TMED8: variants seen among roughly 807,000 people sequenced by gnomAD.
TMED8 encodes transmembrane p24 trafficking protein family member 8.
TMED8 carries 15 observed loss-of-function variants against 32.7 expected under a neutral mutation model. That is an observed-to-expected ratio of 0.46 (90% CI 0.31 to 0.71). TMED8 has a LOEUF of 0.71. Ranked by LOEUF, TMED8 falls within the 30% of genes least tolerant of loss-of-function variation. TMED8 has a pLI of 0.06. For synonymous variants in TMED8, 147 were observed against 161.4 expected (o/e 0.91, Z 0.68); for missense variants, 390 against 423.9 (o/e 0.92, Z 0.70).
At chr14:77,372,714 T>G (rs72681284) in intron 1 of TMED8, among the ~76,000 whole-genome samples, 2,705 of 151,478 alleles carry the variant, frequency 0.018, 46 homozygotes, top group Middle Eastern at 0.078. Flanking sequence ...ATCTGGACAC[T>G]AAAAACACAA....
intron 1 of TMED8, among the ~76,000 whole-genome samples, chr14:77,353,993 T>C (rs1026886883): frequency 6.6e-6 from 1 of 152,208 alleles, no homozygotes; most frequent in Non-Finnish European, 1.5e-5. Flanking sequence ...GACAATATCC[T>C]TTCCCATATT....
In TMED8 at chr14:77,341,777, G is replaced by A. The variant is rs771505511; in HGVS notation, c.972C>T (p.Thr324=). The change falls in exon 6 of 6, where the codon ACC becomes ACT. Residue 324 remains threonine (T), a synonymous_variant. Transcript: ENST00000216468. ...NKTLYFHIYY[T]S ...CCCCTGTCCCAGCAGTCCTTCAGCT[G>A]GTGTAGTAGATGTGGAAGTAGAGAG... 3.1e-6 allele frequency: 5 copies of A among 1,614,130 alleles called. No individual in the cohort carries two copies. The South Asian group carries it at 5.5e-5, about 18-fold the overall frequency.
rs111715816 is a variant in TMED8 at position 77,337,393 on chromosome 14, AT to A, written c.*4377del. 1.6e-3 allele frequency: 235 copies of A among 145,834 alleles called. 2 individuals carry two copies. The highest frequency in any genetic ancestry group is 3.8e-3 in the African/African-American group (152 of 39,966). The allele number at this position is 145,834 out of a possible 1,614,324, so 9.0% of individuals were successfully genotyped here. ...CTTGAAAGATGGAGACCAAGAAACA[AT>A]TTTTTTTTTTTTGAGACGGAATCTT... On this transcript the variant is annotated 3_prime_UTR_variant, in exon 6 of 6. Coordinates refer to ENST00000216468, the MANE Select transcript of TMED8 (RefSeq NM_213601.3).
intron 5 of TMED8, among the ~76,000 whole-genome samples, chr14:77,342,646 T>C (rs946226945): frequency 1.3e-5 from 2 of 152,222 alleles, no homozygotes; most frequent in South Asian, 2.1e-4. Flanking sequence ...CTTTGTGTAG[T>C]GTGTAGACAC....
chr14:77,343,522 G>A (rs1892958673), intron 4 of TMED8, 39 bp from the exon 5 acceptor site: 1 of 1,604,556 alleles, frequency 6.2e-7, no homozygotes, highest in Non-Finnish European at 8.5e-7. Flanking sequence ...AAACCATGAG[G>A]AAACATGAGT....
At chr14:77,368,467 A>ATTATTTAT (rs369795650) in intron 1 of TMED8, among the ~76,000 whole-genome samples, 11 of 151,622 alleles carry the variant, frequency 7.3e-5, no homozygotes, top group East Asian at 3.9e-4. Context: ...TGTCCTTTTT[A>ATTATTTAT]TTATTTATTT....
At chr14:77,369,832 C>G (rs1309095299) in intron 1 of TMED8, among the ~76,000 whole-genome samples, 1 of 152,154 alleles carries the variant, frequency 6.6e-6, no homozygotes, top group Non-Finnish European at 1.5e-5. Flanking sequence ...CCTATTTACC[C>G]ATATCAATCT....
chr14:77,351,086 T>C (rs1239338402), intron 2 of TMED8, among the ~76,000 whole-genome samples: 1 of 152,182 alleles, frequency 6.6e-6, no homozygotes, highest in Admixed American at 6.5e-5. Flanking sequence ...TAGAAAGTTG[T>C]GCCGTTTCCA....
intron 5 of TMED8, among the ~76,000 whole-genome samples, chr14:77,342,551 A>T (rs946972987): frequency 6.6e-6 from 1 of 152,210 alleles, no homozygotes; most frequent in African/African-American, 2.4e-5. Flanking sequence ...CTTTAAGATT[A>T]TATAAGAAAA....
At chr14:77,355,000 G>A (rs1893260099) in intron 1 of TMED8, among the ~76,000 whole-genome samples, 1 of 151,730 alleles carries the variant, frequency 6.6e-6, no homozygotes, top group Non-Finnish European at 1.5e-5. Context: ...GCCCAAGCTA[G>A]TCTTGATCTC....
At chr14:77,349,988 C>A (rs1489216537) in intron 2 of TMED8, among the ~76,000 whole-genome samples, 1 of 152,188 alleles carries the variant, frequency 6.6e-6, no homozygotes, top group Non-Finnish European at 1.5e-5. Context: ...ATCCTCCTGG[C>A]AGAGTGAATT....
At chr14:77,344,937 C>T (rs920827153) in intron 3 of TMED8, among the ~76,000 whole-genome samples, 15 of 152,220 alleles carry the variant, frequency 9.9e-5, no homozygotes, top group African/African-American at 3.6e-4. Context: ...ATATTAGCTA[C>T]ATAGCCTTAG....
chr14:77,353,367 AT>A (rs1217644725), intron 1 of TMED8, among the ~76,000 whole-genome samples: 1 of 152,006 alleles, frequency 6.6e-6, no homozygotes. Context: ...GACAGGCAAA[AT>A]TTTTAATCCA....
chr14:77,367,253 A>ACAAAC (rs1340483677), intron 1 of TMED8, among the ~76,000 whole-genome samples: 16 of 151,214 alleles, frequency 1.1e-4, no homozygotes, highest in South Asian at 1.0e-3. Context: ...AAAAAAAAAA[A>ACAAAC]AAAAAAAAAA....
rs1167584417 is a variant in TMED8 at position 77,372,906 on chromosome 14, T to TTATA, written c.118+4026_118+4029dup. Reference sequence around the variant, plus strand: ...ATGCACATTGAAATAGCCACAGATATTATATATATATATATATATATATAT... The same window carrying TTATA: ...ATGCACATTGAAATAGCCACAGATATTATATATATATATATATATATATATATAT... On this transcript the variant is annotated intron_variant, in intron 1 of 5. Transcript: ENST00000216468. Among the ~76,000 whole-genome samples the TTATA allele has an allele frequency of 8.8e-3, 309 of 35,176 alleles. 1 individual carries two copies. Among genetic ancestry groups the TTATA allele is most frequent in the South Asian group, 0.02 (12 of 614 alleles). 23.1% of individuals were successfully genotyped at this position (35,176 alleles called of 152,430 possible).
chr14:77,346,435 G>C lies in TMED8; in HGVS notation c.241C>G (p.Leu81Val), dbSNP rs1893036908. 1.2e-6 allele frequency: 2 copies of C among 1,614,202 alleles called. No homozygotes were observed. Residue 81 changes from leucine to valine, a missense_variant, in exon 3 of 6, where the codon CTG (leucine) becomes GTG (valine). By Grantham distance (32) the Leu-to-Val change is conservative. Transcript: ENST00000216468. ...TCCAAAGGACCAGTTGCTTTCCGCA[G>C]ATCTTCCGTGGCATCCTTACTCACT... Reference protein sequence around the residue: ...SPVSKDATEDLRKATGPLEAQ... With the variant: ...SPVSKDATEDVRKATGPLEAQ...
chr14:77,335,668 A>G lies in TMED8; in HGVS notation c.*6103T>C, dbSNP rs1892744452. Reference sequence around the variant, plus strand: ...CCAAAGTCTGGCTTTCTTATAATCCATCACTTTGATTACAAAACAGCTCTC... The same window carrying G: ...CCAAAGTCTGGCTTTCTTATAATCCGTCACTTTGATTACAAAACAGCTCTC... On this transcript the variant is annotated 3_prime_UTR_variant, in exon 6 of 6. Coordinates refer to ENST00000216468, the MANE Select transcript of TMED8 (RefSeq NM_213601.3). The G allele has an allele frequency of 6.6e-6, 1 of 152,188 alleles. No homozygotes were observed. The highest frequency in any genetic ancestry group is 2.4e-5 in the African/African-American group (1 of 41,450). 9.4% of individuals were successfully genotyped at this position (152,188 alleles called of 1,614,324 possible).
chr14:77,343,688 A>C lies in TMED8; in HGVS notation c.454+9T>G. Reference sequence around the variant, plus strand: ...AACAAACCACCTCCTTTACTCCCAAAGGTCTCACCTTTCCTGTGGTCCCCC... The same window carrying C: ...AACAAACCACCTCCTTTACTCCCAACGGTCTCACCTTTCCTGTGGTCCCCC... On this transcript the variant is annotated intron_variant, in intron 4 of 5. Coordinates refer to ENST00000216468, the MANE Select transcript of TMED8 (RefSeq NM_213601.3). The C allele has an allele frequency of 6.2e-7, 1 of 1,614,004 alleles. No homozygotes were observed. The highest frequency in any genetic ancestry group is 8.5e-7 in the Non-Finnish European group (1 of 1,179,970).
At position 77,343,786 on chromosome 14, in the gene TMED8, A is replaced by C; in HGVS notation, c.365T>G (p.Ile122Ser). The change falls in exon 4 of 6, where the codon ATC (isoleucine) becomes AGC (serine). Residue 122 changes from isoleucine to serine, a missense_variant. Coordinates refer to ENST00000216468, the MANE Select transcript of TMED8 (RefSeq NM_213601.3). ...KYQVPQRSGD[I>S]VMIQSEHTGA... is the part of the protein sequence containing the mutation. ...TGTATGTTCAGACTGGATCATAACG[A>C]TGTCCCCAGACCTCTGTGGAACTTG... 6.2e-7 allele frequency: 1 copy of C among 1,614,140 alleles called. No individual in the cohort carries two copies. Among genetic ancestry groups the C allele is most frequent in the African/African-American group, 1.3e-5 (1 of 75,034 alleles).
Sources: allele counts gnomAD v4.1 joint callset (sites outside exome capture counted in the v4.1 genomes callset), GRCh38; gene constraint gnomAD v4.1.1; transcripts MANE v1.5; gene names NCBI Gene and HGNC (gene_info 2026-07-23, HGNC 2026-07-21).